The following UNC13A variants were observed in gnomAD, a reference collection of about 807,000 sequenced individuals.
The protein encoded by UNC13A is protein unc-13 homolog A.
In UNC13A, 61 loss-of-function variants were observed where a neutral mutation model predicts 219.7. The ratio of observed to expected loss-of-function variants is 0.28; its 90% CI spans 0.23 to 0.34. The LOEUF is 0.34. Ranked by LOEUF, UNC13A falls within the 10% of genes least tolerant of loss-of-function variation. The pLI, the probability that UNC13A is intolerant of heterozygous loss-of-function variation, is 1.00. For synonymous variants in UNC13A, 920 were observed against 884.6 expected, an observed-to-expected ratio of 1.04 and a Z score of -0.71; for missense variants, 1,476 against 2,270.3, an observed-to-expected ratio of 0.65 and a Z score of 7.11.
rs539448758 is a variant in UNC13A, at chr19:17,620,740, T to C, written c.4243-18A>G. 3.7e-6 allele frequency: 6 copies of C among 1,611,212 alleles called. No homozygotes were observed. The Admixed American group carries it at 6.7e-5, about 18-fold the overall frequency. On this transcript the variant is annotated intron_variant, in intron 37 of 43. Transcript: ENST00000519716. ...ACCCTGCCCTGTGGAGAGAATCAGG[T>C]GGAGGTCAGAGTTCTGGTGACTGTT... is the stretch of plus-strand genomic sequence containing the variant.
chr19:17,629,995 A>G, intron 30 of UNC13A, 150 bp downstream of exon 30: 1 of 918,546 alleles, frequency 1.1e-6, no homozygotes, highest in Non-Finnish European at 1.6e-6. Flanking sequence ...CTTCAACTCC[A>G]ACCTCAACCC....
Position 17,605,104 on chromosome 19 carries a change from G to C in UNC13A, c.*950C>G, listed in dbSNP as rs1158907878. On this transcript the variant is annotated 3_prime_UTR_variant, in exon 44 of 44. Coordinates refer to ENST00000519716, the MANE Select transcript of UNC13A (RefSeq NM_001080421.3). ...CAGCCGGAGAAGGAAAGGCGAAGTAGGGGTCTTGGCCTGGAATTCCCACCC... is the reference window on the plus strand; with the variant it reads ...CAGCCGGAGAAGGAAAGGCGAAGTACGGGTCTTGGCCTGGAATTCCCACCC... 1 of 152,720 alleles carries C rather than the reference G, an allele frequency of 6.5e-6. No individual in the cohort carries two copies. Among genetic ancestry groups the C allele is most frequent in the African/African-American group, 2.4e-5 (1 of 41,460 alleles). The allele number at this position is 152,720 out of a possible 1,614,324, so 9.5% of individuals were successfully genotyped here.
chr19:17,673,202 A>G (rs570619855), intron 3 of UNC13A, among the ~76,000 whole-genome samples: 2 of 151,654 alleles, frequency 1.3e-5, no homozygotes, highest in African/African-American at 2.4e-5. Context: ...CACTAAAAAT[A>G]CAAAATTAGC....
In UNC13A at chr19:17,645,689, C is replaced by T. The variant is rs758719279; in HGVS notation, c.2341G>A (p.Val781Met). ...EVRTLSGEMD[V>M]WYNLDKRTDK... ...CTTCTCTCACCCAGGTTGTACCACA[C>T]GTCCATCTCGCCGCTGAGCGTCCGC... is the stretch of plus-strand genomic sequence containing the variant. The change falls in exon 19 of 44, where the codon GTG (valine) becomes ATG (methionine). Residue 781 changes from valine to methionine, a missense_variant. Around this residue, in one of 14 missense-constraint regions of UNC13A, gnomAD observed 66 missense variants for 224.3 expected, o/e 0.29. Coordinates refer to ENST00000519716, the MANE Select transcript of UNC13A (RefSeq NM_001080421.3). The T allele has an allele frequency of 1.9e-6, 3 of 1,614,238 alleles. No individual in the cohort carries two copies. The highest frequency in any genetic ancestry group is 2.2e-5 in the East Asian group (1 of 44,892).
intron 35 of UNC13A, among the ~76,000 whole-genome samples, chr19:17,624,188 G>C (rs1248779254): frequency 2.0e-5 from 3 of 149,434 alleles, no homozygotes; most frequent in Non-Finnish European, 4.4e-5. Flanking sequence ...GTGCAGTGGC[G>C]CCATCTCAGC....
chr19:17,687,219 TC>T (rs1475595502), intron 1 of UNC13A, among the ~76,000 whole-genome samples: 1 of 151,858 alleles, frequency 6.6e-6, no homozygotes, highest in Non-Finnish European at 1.5e-5. Context: ...CTCCCACGTC[TC>T]CCTCCCTCCT....
At chr19:17,638,623 T>C (rs112157950) in intron 25 of UNC13A, among the ~76,000 whole-genome samples, 5,990 of 151,896 alleles carry the variant, frequency 0.039, 141 homozygotes, top group African/African-American at 0.057. Flanking sequence ...GGTCAAGGAG[T>C]TCGAGACCAG....
chr19:17,659,394 G>T (rs2079513717), intron 8 of UNC13A, among the ~76,000 whole-genome samples: 1 of 152,024 alleles, frequency 6.6e-6, no homozygotes, highest in Non-Finnish European at 1.5e-5. Flanking sequence ...TGTGAGCCAA[G>T]ATCACACCTC....
chr19:17,655,265 G>A lies in UNC13A; in HGVS notation c.1392+9C>T. 1 of 1,559,746 alleles carries A rather than the reference G, an allele frequency of 6.4e-7. No individual in the cohort carries two copies. Among genetic ancestry groups the A allele is most frequent in the East Asian group, 2.4e-5 (1 of 42,046 alleles). On this transcript the variant is annotated intron_variant, in intron 11 of 43. Coordinates refer to ENST00000519716, the MANE Select transcript of UNC13A (RefSeq NM_001080421.3). ...GTGTGGCAGGGGCATGGCTGGGCGTGTCACTCACCTCCTGCAGCTGCATCC... is the reference window on the plus strand; with the variant it reads ...GTGTGGCAGGGGCATGGCTGGGCGTATCACTCACCTCCTGCAGCTGCATCC...
In UNC13A at chr19:17,635,716, CTA is replaced by C. The variant is rs554267160; in HGVS notation, c.3215+306_3215+307del. Among the ~76,000 whole-genome samples, 947 of 152,208 alleles carry C rather than the reference CTA, an allele frequency of 6.2e-3. 12 individuals are homozygous for C. Among genetic ancestry groups the C allele is most frequent in the African/African-American group, 0.022 (905 of 41,518 alleles). ...AGCACATAGTAATACTTGAGCAACA[CTA>C]TTATTAATTAACCTACATACACATA... On this transcript the variant is annotated intron_variant, in intron 26 of 43. Transcript: ENST00000519716.
chr19:17,618,118 G>A (rs2076688146), intron 40 of UNC13A, among the ~76,000 whole-genome samples: 1 of 151,694 alleles, frequency 6.6e-6, no homozygotes, highest in Admixed American at 6.6e-5. Flanking sequence ...CCTGGCACGA[G>A]GTCCTTTACA....
chr19:17,616,000 T>G (rs10405904), intron 41 of UNC13A, among the ~76,000 whole-genome samples: 10,176 of 152,042 alleles, frequency 0.067, 944 homozygotes, highest in African/African-American at 0.21. Flanking sequence ...ACAATAATCC[T>G]ATGAAGTAGG....
At chr19:17,628,940 C>A (rs1189593193) in intron 31 of UNC13A, among the ~76,000 whole-genome samples, 1 of 152,038 alleles carries the variant, frequency 6.6e-6, no homozygotes, top group Admixed American at 6.6e-5. Context: ...CATGATCAGA[C>A]ACGCACACTC....
intron 8 of UNC13A, among the ~76,000 whole-genome samples, chr19:17,661,344 G>A (rs60267715): frequency 0.068 from 10,413 of 152,086 alleles, 570 homozygotes; most frequent in African/African-American, 0.15. Context: ...AGGATATGAG[G>A]AAGGAGTGAA....
chr19:17,620,348 T>G (rs1331141060), intron 38 of UNC13A, among the ~76,000 whole-genome samples: 2 of 152,144 alleles, frequency 1.3e-5, no homozygotes, highest in Non-Finnish European at 2.9e-5. Context: ...GTATTACTAT[T>G]ATCATCTTGG....
intron 7 of UNC13A, among the ~76,000 whole-genome samples, chr19:17,665,790 C>T (rs997001738): frequency 2.0e-5 from 3 of 152,278 alleles, no homozygotes; most frequent in South Asian, 2.1e-4. Flanking sequence ...ATGAGTTATA[C>T]GCCCTCATCC....
At chr19:17,624,999 C>G in intron 34 of UNC13A, 47 bp from the exon 35 acceptor site, 1 of 1,590,564 alleles carries the variant, frequency 6.3e-7, no homozygotes, top group Non-Finnish European at 8.6e-7. Context: ...TCGCCCCCAC[C>G]CACAGATCAC....
chr19:17,620,012 T>A (rs1470221841), intron 38 of UNC13A, among the ~76,000 whole-genome samples: 3 of 152,218 alleles, frequency 2.0e-5, no homozygotes, highest in Non-Finnish European at 4.4e-5. Flanking sequence ...AATTATCACT[T>A]GGTCTCAAAG....
intron 26 of UNC13A, among the ~76,000 whole-genome samples, chr19:17,635,237 A>G (rs779667327): frequency 9.2e-5 from 14 of 151,810 alleles, no homozygotes; most frequent in Non-Finnish European, 2.1e-4. Context: ...CTGACCTCAA[A>G]TGATCCACCC....
Sources: allele counts gnomAD v4.1 joint callset (sites outside exome capture counted in the v4.1 genomes callset), GRCh38; gene constraint gnomAD v4.1.1; regional missense constraint gnomAD v4.1.1; transcripts MANE v1.5; gene names NCBI Gene and HGNC (gene_info 2026-07-23, HGNC 2026-07-21).